The following CDC5L variants were observed in gnomAD, a reference collection of about 807,000 sequenced individuals.
CDC5L encodes the protein cell division cycle 5-like protein.
A neutral mutation model predicts 104.1 loss-of-function variants in CDC5L; 18 were observed. The observed-to-expected ratio is 0.17, with a 90% CI of 0.12 to 0.26. CDC5L has a LOEUF of 0.26. CDC5L is among the 10% of genes least tolerant of loss of function. The pLI is 1.00. For missense variants in CDC5L, 673 were observed against 956.9 expected, an observed-to-expected ratio of 0.70 and a Z score of 3.91; for synonymous variants, 331 against 322.7, an observed-to-expected ratio of 1.03 and a Z score of -0.28.
chr6:44,450,228 CTT>C lies in CDC5L; in HGVS notation c.*3521_*3522del, dbSNP rs1793595782. 2 of 152,078 alleles carry C rather than the reference CTT, an allele frequency of 1.3e-5. No individual in the cohort carries two copies. The highest frequency in any genetic ancestry group is 4.1e-4 in the South Asian group (2 of 4,826). The allele number at this position is 152,078 out of a possible 1,614,324, so 9.4% of individuals were successfully genotyped here. On this transcript the variant is annotated 3_prime_UTR_variant, in exon 16 of 16. Transcript: ENST00000371477. The stretch of plus-strand genomic sequence containing the variant: ...TAAAGTAAATAGGATAACTGTATAT[CTT>C]TTTCTGTGCATTAAGCAGTTATAAC...
At chr6:44,410,197 G>C (rs1313307558) in intron 8 of CDC5L, among the ~76,000 whole-genome samples, 1 of 151,992 alleles carries the variant, frequency 6.6e-6, no homozygotes, top group Non-Finnish European at 1.5e-5. Flanking sequence ...CTGAAATTTT[G>C]TGTCCTTTGA....
intron 4 of CDC5L, 124 bp downstream of exon 4, chr6:44,393,697 C>A: frequency 2.1e-6 from 2 of 955,150 alleles, no homozygotes; most frequent in Non-Finnish European, 3.0e-6. Flanking sequence ...CAAGGTCTTG[C>A]TCTGTTACCC....
At position 44,448,725 on chromosome 6, in the gene CDC5L, T is replaced by C. The variant is rs1451038079; in HGVS notation, c.*2014T>C. On this transcript the variant is annotated 3_prime_UTR_variant, in exon 16 of 16. Coordinates refer to ENST00000371477, the MANE Select transcript of CDC5L (RefSeq NM_001253.4). The stretch of plus-strand genomic sequence containing the variant: ...ATAGTTTTATTTCACTTTTATTGCA[T>C]GTTTTGTTATCTGAAATGTTTAGGA... 6.6e-6 allele frequency: 1 copy of C among 152,218 alleles called. No individual in the cohort carries two copies. The highest frequency in any genetic ancestry group is 1.5e-5 in the Non-Finnish European group (1 of 68,032). The allele number at this position is 152,218 out of a possible 1,614,324, so 9.4% of individuals were successfully genotyped here.
At chr6:44,406,526 C>T (rs1791371063) in intron 7 of CDC5L, 59 bp downstream of exon 7, 5 of 1,468,378 alleles carry the variant, frequency 3.4e-6, no homozygotes, top group Non-Finnish European at 4.7e-6. Context: ...ATCATTTATT[C>T]AGCAAATGTT....
intron 13 of CDC5L, among the ~76,000 whole-genome samples, chr6:44,427,088 G>A (rs1792456674): frequency 6.6e-6 from 1 of 152,216 alleles, no homozygotes; most frequent in South Asian, 2.1e-4. Flanking sequence ...ATAATATGAA[G>A]AGGTGAGAGA....
intron 14 of CDC5L, among the ~76,000 whole-genome samples, chr6:44,433,828 C>A (rs1376764470): frequency 6.6e-6 from 1 of 152,124 alleles, no homozygotes; most frequent in East Asian, 1.9e-4. Context: ...ATCTCATTTT[C>A]TCAGTGATTT....
At chr6:44,434,394 G>A (rs545455) in intron 14 of CDC5L, among the ~76,000 whole-genome samples, 44,052 of 151,978 alleles carry the variant, frequency 0.29, 8,193 homozygotes, top group East Asian at 0.74. Context: ...TTGGACCTGC[G>A]TCTCATCAGA....
At chr6:44,393,624 G>T in intron 4 of CDC5L, 51 bp downstream of exon 4, 1 of 1,558,326 alleles carries the variant, frequency 6.4e-7, no homozygotes, top group South Asian at 1.2e-5. Context: ...TAAACTCCTT[G>T]GGCCTCACTC....
At position 44,388,403 on chromosome 6, in the gene CDC5L, C is replaced by T. The variant is rs539320629; in HGVS notation, c.45+535C>T. Among the ~76,000 whole-genome samples the T allele has an allele frequency of 5.3e-5, 8 of 152,266 alleles. 1 individual carries two copies. The highest frequency in any genetic ancestry group is 7.2e-5 in the African/African-American group (3 of 41,538). On this transcript the variant is annotated intron_variant, in intron 1 of 15. Transcript: ENST00000371477. ...TATCTGTTATCAGGGCATAACCTGT[C>T]TGCCATCTCGACAGATCCCAAGGTC...
chr6:44,404,352 G>A (rs1791266177), intron 6 of CDC5L, among the ~76,000 whole-genome samples: 1 of 151,970 alleles, frequency 6.6e-6, no homozygotes, highest in Non-Finnish European at 1.5e-5. Flanking sequence ...TCCTTTTGTT[G>A]TGCAGACTGG....
intron 3 of CDC5L, 105 bp from the exon 4 acceptor site, chr6:44,393,341 C>T: frequency 2.1e-6 from 2 of 968,910 alleles, no homozygotes; most frequent in Non-Finnish European, 3.1e-6. Context: ...AAAGCCCATC[C>T]ATTGGTTTTT....
intron 14 of CDC5L, among the ~76,000 whole-genome samples, chr6:44,437,945 T>C (rs1396414555): frequency 6.6e-6 from 1 of 152,208 alleles, no homozygotes; most frequent in African/African-American, 2.4e-5. Context: ...TCTTAGAACA[T>C]GCTGAATTGT....
intron 14 of CDC5L, among the ~76,000 whole-genome samples, chr6:44,433,029 A>G (rs1463796505): frequency 6.6e-6 from 1 of 152,246 alleles, no homozygotes; most frequent in Non-Finnish European, 1.5e-5. Context: ...ATCCCAAATT[A>G]ATAAGAAAAA....
At chr6:44,388,740 A>T (rs1178083201) in intron 1 of CDC5L, among the ~76,000 whole-genome samples, 1 of 150,340 alleles carries the variant, frequency 6.7e-6, no homozygotes, top group African/African-American at 2.5e-5. Flanking sequence ...TCATCCTTCA[A>T]ACCTAGTTCG....
intron 10 of CDC5L, 45 bp downstream of exon 10, chr6:44,422,854 A>C (rs749704185): frequency 7.4e-7 from 1 of 1,350,494 alleles, no homozygotes; most frequent in Non-Finnish European, 1.0e-6. Flanking sequence ...TTTTTTTAAT[A>C]TCTCATGGAT....
chr6:44,404,979 T>C (rs1051234522), intron 6 of CDC5L, among the ~76,000 whole-genome samples: 2 of 152,160 alleles, frequency 1.3e-5, no homozygotes, highest in Admixed American at 1.3e-4. Context: ...CAGGCATGAG[T>C]CACCACTCCT....
intron 13 of CDC5L, among the ~76,000 whole-genome samples, chr6:44,427,084 T>C (rs1273874246): frequency 1.3e-5 from 2 of 152,350 alleles, no homozygotes; most frequent in East Asian, 3.9e-4. Context: ...TAGAATAATA[T>C]GAAGAGGTGA....
At chr6:44,404,616 T>C (rs564326150) in intron 6 of CDC5L, among the ~76,000 whole-genome samples, 1 of 152,348 alleles carries the variant, frequency 6.6e-6, no homozygotes, top group Non-Finnish European at 1.5e-5. Context: ...TCTTAACTTT[T>C]ATGTACATTT....
chr6:44,429,808 A>G lies in CDC5L; in HGVS notation c.1989A>G (p.Glu663=). The G allele has an allele frequency of 1.2e-6, 2 of 1,614,130 alleles. No individual in the cohort carries two copies. Among genetic ancestry groups the G allele is most frequent in the African/African-American group, 2.7e-5 (2 of 75,062 alleles). Residue 663 remains glutamate, a synonymous_variant, in exon 14 of 16, where the codon GAA becomes GAG. Transcript: ENST00000371477. ...AAGCTTATAACCAGGTGTGGGAAGA[A>G]TGCTACAGTCAAGTTTTATATCTTC... The part of the protein sequence containing the change: ...SSEAYNQVWE[E]CYSQVLYLPG...
Sources: allele counts gnomAD v4.1 joint callset (sites outside exome capture counted in the v4.1 genomes callset), GRCh38; gene constraint gnomAD v4.1.1; transcripts MANE v1.5; gene names NCBI Gene and HGNC (gene_info 2026-07-23, HGNC 2026-07-21).